The following SLC12A7 variants were observed in gnomAD, a reference collection of about 807,000 sequenced individuals.
The protein encoded by SLC12A7 is solute carrier family 12 member 7, also known as K-Cl cotransporter 4.
A neutral mutation model predicts 120.6 loss-of-function variants in SLC12A7; 100 were observed. That is an observed-to-expected ratio of 0.83 (90% CI 0.71 to 0.98). SLC12A7 has a LOEUF of 0.98. Among genes scored for constraint, SLC12A7 ranks in the 50% least tolerant of loss-of-function variants. SLC12A7 has a pLI of 0.00. For missense variants in SLC12A7, 1,373 were observed against 1,548.1 expected, an observed-to-expected ratio of 0.89 and a Z score of 1.90; for synonymous variants, 760 against 678.0, an observed-to-expected ratio of 1.12 and a Z score of -1.88.
At chr5:1,059,133 G>A (rs1280888496) in intron 21 of SLC12A7, among the ~76,000 whole-genome samples, 2 of 152,252 alleles carry the variant, frequency 1.3e-5, no homozygotes, top group Non-Finnish European at 1.5e-5. Context: ...AACAGAGGAT[G>A]TGGGTCCTCC....
the SLC12A7 span, among the ~76,000 whole-genome samples, chr5:1,126,957 G>C: frequency 6.6e-6 from 1 of 152,098 alleles, no homozygotes; most frequent in Non-Finnish European, 1.5e-5. Flanking sequence ...CTTGCAGTTG[G>C]GACCACATCA....
chr5:1,063,404 C>T (rs891008481), intron 20 of SLC12A7, among the ~76,000 whole-genome samples: 3 of 152,196 alleles, frequency 2.0e-5, no homozygotes, highest in Non-Finnish European at 2.9e-5. Context: ...TGGACGGGGT[C>T]CCGGGCCGAG....
chr5:1,103,490 C>T (rs1462265126), intron 1 of SLC12A7, among the ~76,000 whole-genome samples: 7 of 152,212 alleles, frequency 4.6e-5, no homozygotes, highest in African/African-American at 1.7e-4. Flanking sequence ...CACGTGCACA[C>T]GCAAACTTGC....
At chr5:1,155,409 C>A in the SLC12A7 span, among the ~76,000 whole-genome samples, 9 of 152,180 alleles carry the variant, frequency 5.9e-5, no homozygotes, top group Non-Finnish European at 5.9e-5. Flanking sequence ...TCAGAGGGCG[C>A]CCCGGGAGCT....
At chr5:1,114,430 C>T (rs1743232609), upstream of SLC12A7, among the ~76,000 whole-genome samples, 2 of 152,136 alleles carry the variant, frequency 1.3e-5, no homozygotes, top group South Asian at 4.2e-4. Context: ...CGCTGCAGGC[C>T]CCTCCCATCC....
At chr5:1,122,347 C>T in the SLC12A7 span, among the ~76,000 whole-genome samples, 1 of 152,084 alleles carries the variant, frequency 6.6e-6, no homozygotes, top group Non-Finnish European at 1.5e-5. Flanking sequence ...ATTCTGGCTG[C>T]CCAGCACAGC....
At position 1,057,503 on chromosome 5, in the gene SLC12A7, T is replaced by C. The variant is rs1735745317; in HGVS notation, c.2994A>G (p.Leu998=). The C allele has an allele frequency of 3.1e-6, 5 of 1,613,116 alleles. No homozygotes were observed. The South Asian group carries it at 4.4e-5, about 14-fold the overall frequency. Residue 998 remains leucine (L), a synonymous_variant, in exon 22 of 24, where the codon CTA becomes CTG. Transcript: ENST00000264930. ...TGCTGAAGAGGTCTTTGAAACCAGA[T>C]AGGCTGGTGTCTCTGCTCCTGTACT... ...AEKYRSRDTS[L]SGFKDLFSMK...
At chr5:1,151,516 C>A in the SLC12A7 span, among the ~76,000 whole-genome samples, 5 of 152,272 alleles carry the variant, frequency 3.3e-5, no homozygotes, top group African/African-American at 1.2e-4. The surrounding 1 kb of genome is among the most constrained non-coding windows in gnomAD (Gnocchi z 6.2). Context: ...GATGGCCCCA[C>A]CAGCCATAAC....
At chr5:1,089,607 C>T (rs985915381) in intron 3 of SLC12A7, among the ~76,000 whole-genome samples, 3 of 151,016 alleles carry the variant, frequency 2.0e-5, no homozygotes, top group Admixed American at 6.6e-5. Flanking sequence ...AGCTCAGCGT[C>T]GGCCCTGGGC....
chr5:1,074,469 T>TCTCA, intron 16 of SLC12A7, 98 bp downstream of exon 16: 2 of 1,127,014 alleles, frequency 1.8e-6, no homozygotes, highest in Non-Finnish European at 1.3e-6. Context: ...CGGCTGAAGG[T>TCTCA]GAGAGGCCCC....
chr5:1,093,703 C>T (rs758282323), intron 2 of SLC12A7, 48 bp from the exon 3 acceptor site: 58 of 1,601,824 alleles, frequency 3.6e-5, no homozygotes, highest in Non-Finnish European at 4.8e-5. Flanking sequence ...TCGCCGTGGG[C>T]CCCCCGACCT....
At chr5:1,088,934 G>C (rs1435538230) in intron 4 of SLC12A7, 48 bp downstream of exon 4, 10 of 1,609,432 alleles carry the variant, frequency 6.2e-6, no homozygotes, top group Non-Finnish European at 8.5e-6. Context: ...CTACTGTCCA[G>C]CTGCCACCGC....
At chr5:1,067,335 C>T (rs1019961710) in intron 17 of SLC12A7, among the ~76,000 whole-genome samples, 2 of 152,252 alleles carry the variant, frequency 1.3e-5, no homozygotes, top group African/African-American at 4.8e-5. Context: ...GGGGTGGACA[C>T]AGCCGTCTCT....
chr5:1,080,995 G>A (rs1426676519), intron 9 of SLC12A7, among the ~76,000 whole-genome samples: 1 of 107,086 alleles, frequency 9.3e-6, no homozygotes, highest in East Asian at 2.5e-4. Flanking sequence ...CAGAGAGAGA[G>A]ACAGAGAGAG....
intron 1 of SLC12A7, among the ~76,000 whole-genome samples, chr5:1,104,262 C>T (rs922209152): frequency 2.0e-5 from 3 of 152,210 alleles, no homozygotes; most frequent in Non-Finnish European, 2.9e-5. Context: ...TCACAGCCAC[C>T]GCCACCCTCG....
At position 1,111,382 on chromosome 5, in the gene SLC12A7, G is replaced by A. The variant is rs371935101; in HGVS notation, c.124+486C>T. On this transcript the variant is annotated intron_variant, in intron 1 of 23. Coordinates refer to ENST00000264930, the MANE Select transcript of SLC12A7 (RefSeq NM_006598.3). Reference sequence around the variant, plus strand: ...CAGTCCTTCCTGTTCCGCCTCTGGGGGGTGGGCGGCTCCTCCAGGGTCAGG... The same window carrying A: ...CAGTCCTTCCTGTTCCGCCTCTGGGAGGTGGGCGGCTCCTCCAGGGTCAGG... 3.3e-3 allele frequency among the ~76,000 whole-genome samples: 506 copies of A among 152,296 alleles called. 3 individuals carry two copies. The highest frequency in any genetic ancestry group is 0.011 in the African/African-American group (474 of 41,580).
the SLC12A7 span, among the ~76,000 whole-genome samples, chr5:1,122,226 G>A: frequency 2.6e-5 from 4 of 152,156 alleles, no homozygotes; most frequent in East Asian, 5.8e-4. Context: ...CCCTAGAAAC[G>A]TGTCACCCCA....
chr5:1,073,837 CGCTTACCAGGGCACG>C, intron 16 of SLC12A7, 36 bp from the exon 17 acceptor site: 1 of 1,378,954 alleles, frequency 7.3e-7, no homozygotes. Context: ...ACCACGGCAA[CGCTTACCAGGGCACG>C]GCCCATCAAC....
chr5:1,051,268 G>C lies in SLC12A7; in HGVS notation c.*1092C>G, dbSNP rs956458431. 5.7e-5 allele frequency: 13 copies of C among 230,080 alleles called. No individual in the cohort carries two copies. The highest frequency in any genetic ancestry group is 8.4e-5 in the Non-Finnish European group (10 of 119,518). 14.3% of individuals were successfully genotyped at this position (230,080 alleles called of 1,614,324 possible). On this transcript the variant is annotated 3_prime_UTR_variant, in exon 24 of 24. Transcript: ENST00000264930. ...ACTCAGCCAGACAGACCTGACACCAGGCGCCACTGCTGCCTGAGGACCTCC... is the reference window on the plus strand; with the variant it reads ...ACTCAGCCAGACAGACCTGACACCACGCGCCACTGCTGCCTGAGGACCTCC...
Sources: allele counts gnomAD v4.1 joint callset (sites outside exome capture counted in the v4.1 genomes callset), GRCh38; gene constraint gnomAD v4.1.1; non-coding constraint Gnocchi (gnomAD v3.1); transcripts MANE v1.5; gene names NCBI Gene and HGNC (gene_info 2026-07-23, HGNC 2026-07-21).